FSTL4: variants seen among roughly 807,000 people sequenced by gnomAD.
The protein encoded by FSTL4 is follistatin-related protein 4.
In FSTL4, 28 loss-of-function variants were observed where a neutral mutation model predicts 78.2. The observed-to-expected ratio is 0.36, with a 90% confidence interval of 0.27 to 0.49. FSTL4 has a LOEUF of 0.49. FSTL4 is among the 20% of genes least tolerant of loss of function. The pLI is 0.98. For synonymous variants in FSTL4, 422 were observed against 440.5 expected, an observed-to-expected ratio of 0.96 and a Z score of 0.53; for missense variants, 922 against 1,084.9, an observed-to-expected ratio of 0.85 and a Z score of 2.11.
the FSTL4 span, among the ~76,000 whole-genome samples, chr5:133,833,885 C>T: frequency 3.3e-5 from 5 of 152,164 alleles, no homozygotes; most frequent in Non-Finnish European, 5.9e-5. Context: ...TTGGATCTGA[C>T]TACAGAAACA....
the FSTL4 span, among the ~76,000 whole-genome samples, chr5:133,733,525 T>C: frequency 6.6e-6 from 1 of 152,192 alleles, no homozygotes; most frequent in African/African-American, 2.4e-5. Flanking sequence ...GCTAGTTAAA[T>C]GACACTATAT....
chr5:133,605,970 C>A (rs749892455), intron 1 of FSTL4, among the ~76,000 whole-genome samples: 3 of 152,134 alleles, frequency 2.0e-5, no homozygotes, highest in Non-Finnish European at 2.9e-5. Flanking sequence ...CTGCGGCAGT[C>A]ACGGCACTCC....
intron 4 of FSTL4, among the ~76,000 whole-genome samples, chr5:133,382,887 TGAG>T (rs916690990): frequency 6.7e-6 from 1 of 149,982 alleles, no homozygotes; most frequent in African/African-American, 2.5e-5. Context: ...GGTGAGAAGA[TGAG>T]GAGGAGTACA....
the FSTL4 span, among the ~76,000 whole-genome samples, chr5:133,725,257 A>C: frequency 4.6e-5 from 7 of 152,200 alleles, no homozygotes; most frequent in African/African-American, 1.7e-4. Context: ...GGTATTTAGG[A>C]ATGTGGTAAG....
At chr5:133,402,992 C>T (rs1756273348) in intron 3 of FSTL4, among the ~76,000 whole-genome samples, 1 of 152,214 alleles carries the variant, frequency 6.6e-6, no homozygotes. Flanking sequence ...GGCTGGAGGC[C>T]CCCCACTCAC....
intron 3 of FSTL4, among the ~76,000 whole-genome samples, chr5:133,553,047 C>T (rs1252477550): frequency 1.3e-4 from 20 of 152,174 alleles, no homozygotes; most frequent in Non-Finnish European, 1.5e-5. Context: ...CCAACTGCAG[C>T]GGCTACTTAG....
the FSTL4 span, among the ~76,000 whole-genome samples, chr5:133,723,787 G>C: frequency 6.6e-6 from 1 of 152,162 alleles, no homozygotes; most frequent in Non-Finnish European, 1.5e-5. Flanking sequence ...TATGGCACTG[G>C]GGAACCCAAC....
At chr5:133,705,961 A>G in the FSTL4 span, among the ~76,000 whole-genome samples, 12 of 152,220 alleles carry the variant, frequency 7.9e-5, no homozygotes, top group South Asian at 1.2e-3. Context: ...CCTTGTTTGC[A>G]TTTCCTTTCT....
the FSTL4 span, among the ~76,000 whole-genome samples, chr5:133,697,249 A>T: frequency 2.0e-5 from 3 of 151,508 alleles, no homozygotes; most frequent in Non-Finnish European, 4.4e-5. Context: ...CCCATCTACC[A>T]CCCTGAGGAA....
intron 3 of FSTL4, among the ~76,000 whole-genome samples, chr5:133,402,366 C>G (rs1017573461): frequency 6.6e-6 from 1 of 152,198 alleles, no homozygotes; most frequent in Non-Finnish European, 1.5e-5. Context: ...ATGAGATAAT[C>G]AGCACATGTC....
intron 4 of FSTL4, among the ~76,000 whole-genome samples, chr5:133,372,237 C>CTATGTATGTATGTATG (rs1209646551): frequency 1.0e-4 from 9 of 87,752 alleles, no homozygotes; most frequent in African/African-American, 3.2e-4. Flanking sequence ...ATCTATGTAT[C>CTATGTATGTATGTATG]TATGTATCTA....
chr5:133,336,956 C>A (rs1754476619), intron 4 of FSTL4, among the ~76,000 whole-genome samples: 2 of 152,160 alleles, frequency 1.3e-5, no homozygotes, highest in African/African-American at 4.8e-5. Context: ...GGAGGGCTCG[C>A]AGTATGTGCT....
At chr5:133,595,517 A>G (rs189923032) in intron 2 of FSTL4, among the ~76,000 whole-genome samples, 2 of 152,070 alleles carry the variant, frequency 1.3e-5, no homozygotes, top group Non-Finnish European at 2.9e-5. Flanking sequence ...GATATTTACC[A>G]CTCCACTGGA....
At chr5:133,256,124 C>A (rs992630815) in intron 6 of FSTL4, among the ~76,000 whole-genome samples, 3 of 152,172 alleles carry the variant, frequency 2.0e-5, no homozygotes, top group African/African-American at 7.2e-5. Context: ...GCCTGCACAT[C>A]AATATTTTTG....
At chr5:133,817,331 A>G in the FSTL4 span, among the ~76,000 whole-genome samples, 1 of 152,166 alleles carries the variant, frequency 6.6e-6, no homozygotes, top group African/African-American at 2.4e-5. Context: ...TGGGAGTTCC[A>G]CTGTATCAGT....
In FSTL4 at chr5:133,603,850, G is replaced by A. The variant is rs1414320844; in HGVS notation, c.126+8C>T. The A allele has an allele frequency of 2.5e-6, 4 of 1,613,502 alleles. No homozygotes were observed. The African/African-American group carries it at 5.3e-5, about 22-fold the overall frequency. On this transcript the variant is annotated splice_region_variant and intron_variant, in intron 2 of 15. Transcript: ENST00000265342. ...TGAAATGTTATGTCCGCAGGGATTT[G>A]ACTATACCTCTGCCTGTGACTCCCC...
At chr5:133,308,152 G>A (rs958303383) in intron 6 of FSTL4, among the ~76,000 whole-genome samples, 1 of 152,176 alleles carries the variant, frequency 6.6e-6, no homozygotes, top group African/African-American at 2.4e-5. Context: ...GAAAATGAGG[G>A]ACCAAGGGCA....
intron 4 of FSTL4, among the ~76,000 whole-genome samples, chr5:133,379,892 T>C (rs555732915): frequency 5.5e-4 from 84 of 151,846 alleles, no homozygotes; most frequent in African/African-American, 2.0e-3. Context: ...CTGGCCAACA[T>C]GGTGAAACCT....
chr5:133,306,077 T>C (rs1753648882), intron 6 of FSTL4, among the ~76,000 whole-genome samples: 1 of 152,248 alleles, frequency 6.6e-6, no homozygotes, highest in Non-Finnish European at 1.5e-5. Flanking sequence ...GAGGCCTGCC[T>C]TGCCAGCCTG....
Sources: allele counts gnomAD v4.1 joint callset (sites outside exome capture counted in the v4.1 genomes callset), GRCh38; gene constraint gnomAD v4.1.1; transcripts MANE v1.5; gene names NCBI Gene and HGNC (gene_info 2026-07-23, HGNC 2026-07-21).